The following ACOT7 variants were observed in gnomAD, a reference collection of about 807,000 sequenced individuals.
The protein encoded by ACOT7 is acyl-CoA thioesterase 7.
A neutral mutation model predicts 40.2 loss-of-function variants in ACOT7; 12 were observed. The observed-to-expected ratio is 0.30, with a 90% CI of 0.19 to 0.48. ACOT7 has a LOEUF of 0.48. ACOT7 is among the 20% of genes least tolerant of loss of function. The probability of loss-of-function intolerance (pLI) is 0.99; values close to 1 mark genes in which losing one functional copy is unlikely to be tolerated. For synonymous variants in ACOT7, 228 were observed against 219.5 expected (o/e 1.04, Z -0.34); for missense variants, 395 against 530.8 (o/e 0.74, Z 2.51).
chr1:6,393,543 A>C lies in ACOT7; in HGVS notation c.-144T>G. 1 of 702,162 alleles carries C rather than the reference A, an allele frequency of 1.4e-6. No homozygotes were observed. The highest frequency in any genetic ancestry group is 1.9e-6 in the Non-Finnish European group (1 of 516,898). 43.5% of individuals were successfully genotyped at this position (702,162 alleles called of 1,614,324 possible). On this transcript the variant is annotated 5_prime_UTR_variant, in exon 1 of 9. Coordinates refer to ENST00000361521, the MANE Select transcript of ACOT7 (RefSeq NM_007274.4). The stretch of plus-strand genomic sequence containing the variant: ...CCGCCTCCCAGGCCGCCAAGGCTGC[A>C]GAGAGCTCGCGCGGGCGTACGATTC...
At chr1:6,317,881 GCCA>G in intron 6 of ACOT7, among the ~76,000 whole-genome samples, 1 of 151,800 alleles carries the variant, frequency 6.6e-6, no homozygotes, top group Non-Finnish European at 1.5e-5. Context: ...ACAGGCGCCT[GCCA>G]CCACACCTGG....
rs1489447800 is a variant in ACOT7 at position 6,288,477 on chromosome 1, C to A, written c.829+6387G>T. The stretch of plus-strand genomic sequence containing the variant: ...ACAAGTGGCAGCCTGTCCTAGCAGA[C>A]CTGAAGTGCCAGCTGGAGGGGCTCA... On this transcript the variant is annotated intron_variant, in intron 7 of 8. Transcript: ENST00000361521. This position sits in a 1 kb window ranked among gnomAD's most constrained non-coding sequence, Gnocchi z 4.3. Among the ~76,000 whole-genome samples, 1 of 152,160 alleles carries A rather than the reference C, an allele frequency of 6.6e-6. No homozygotes were observed. Among genetic ancestry groups the A allele is most frequent in the African/African-American group, 2.4e-5 (1 of 41,448 alleles).
chr1:6,323,731 AAAAAAAATATATATAT>A (rs1430957818), intron 5 of ACOT7, among the ~76,000 whole-genome samples: 59 of 90,140 alleles, frequency 6.5e-4, no homozygotes, highest in African/African-American at 2.5e-3. Flanking sequence ...AAAAAAAAAA[AAAAAAAATATATATAT>A]ATATATATAT....
At chr1:6,270,812 C>A (rs2148365606) in intron 8 of ACOT7, among the ~76,000 whole-genome samples, 1 of 152,330 alleles carries the variant, frequency 6.6e-6, no homozygotes, top group African/African-American at 2.4e-5. Flanking sequence ...CCAAGTGCAG[C>A]CTGGGAACTG....
At chr1:6,375,261 CAAA>C (rs34778182) in intron 1 of ACOT7, among the ~76,000 whole-genome samples, 12 of 73,836 alleles carry the variant, frequency 1.6e-4, no homozygotes, top group Admixed American at 3.2e-4. Flanking sequence ...AGACTCCTCT[CAAA>C]AAAAAAAAAA....
intron 1 of ACOT7, among the ~76,000 whole-genome samples, chr1:6,361,904 C>G (rs1332082892): frequency 1.3e-5 from 2 of 152,326 alleles, no homozygotes; most frequent in African/African-American, 4.8e-5. Flanking sequence ...CAGGAGCCCT[C>G]GAAACGCTCT....
intron 1 of ACOT7, chr1:6,360,616 G>A: frequency 6.2e-7 from 1 of 1,614,218 alleles, no homozygotes; most frequent in Middle Eastern, 1.6e-4. Context: ...TCCTTTCTGA[G>A]GACGTTTAGT....
intron 6 of ACOT7, among the ~76,000 whole-genome samples, chr1:6,296,497 C>T (rs1328082080): frequency 2.6e-5 from 4 of 151,930 alleles, no homozygotes; most frequent in Admixed American, 1.3e-4. Context: ...GATCTCCGCT[C>T]ACCGCAACCT....
intron 7 of ACOT7, among the ~76,000 whole-genome samples, chr1:6,285,930 TAGGCA>T (rs1639490836): frequency 6.6e-6 from 1 of 152,136 alleles, no homozygotes; most frequent in Admixed American, 6.5e-5. Context: ...AACCTGGCAC[TAGGCA>T]AAGTTGGGAC....
intron 3 of ACOT7, among the ~76,000 whole-genome samples, chr1:6,336,783 G>C (rs868661502): frequency 5.8e-4 from 89 of 152,206 alleles, no homozygotes; most frequent in African/African-American, 2.1e-3. Context: ...CAATTTCCAG[G>C]GGACACATGG....
intron 2 of ACOT7, among the ~76,000 whole-genome samples, chr1:6,340,706 A>C (rs941194538): frequency 2.6e-5 from 4 of 152,176 alleles, no homozygotes; most frequent in Non-Finnish European, 4.4e-5. Context: ...TAGGAAAAAT[A>C]ATCTGCCTGT....
At chr1:6,376,589 T>C (rs1382965573) in intron 1 of ACOT7, among the ~76,000 whole-genome samples, 3 of 151,868 alleles carry the variant, frequency 2.0e-5, no homozygotes, top group African/African-American at 4.8e-5. Flanking sequence ...TAGCATGGCG[T>C]GGTGCCATGT....
Position 6,288,619 on chromosome 1 carries a change from G to T in ACOT7, c.829+6245C>A, listed in dbSNP as rs569889981. 2.6e-5 allele frequency among the ~76,000 whole-genome samples: 4 copies of T among 152,326 alleles called. No homozygotes were observed. The South Asian group carries it at 6.2e-4, about 24-fold the overall frequency. On this transcript the variant is annotated intron_variant, in intron 7 of 8. Transcript: ENST00000361521. The surrounding 1 kb of genome is among the most constrained non-coding windows in gnomAD (Gnocchi z 4.3). The stretch of plus-strand genomic sequence containing the variant: ...GCACTGGGTTGGGCTGGTGAGGGGT[G>T]AGGGTAACAGAGGTGGCCCTCTGTG...
intron 1 of ACOT7, among the ~76,000 whole-genome samples, chr1:6,391,685 C>A (rs1642535984): frequency 1.3e-5 from 2 of 152,132 alleles, no homozygotes; most frequent in South Asian, 4.1e-4. Context: ...AGTCAGAAGA[C>A]TTGGGCAGGG....
chr1:6,273,650 G>A (rs1476440207), intron 8 of ACOT7, among the ~76,000 whole-genome samples: 2 of 152,298 alleles, frequency 1.3e-5, no homozygotes, highest in East Asian at 3.9e-4. Flanking sequence ...AGTAACAGCT[G>A]AATTTCCTAA....
intron 1 of ACOT7, among the ~76,000 whole-genome samples, chr1:6,367,382 C>T (rs957181124): frequency 2.0e-5 from 3 of 152,222 alleles, no homozygotes; most frequent in Non-Finnish European, 2.9e-5. Context: ...GCTTATTCCA[C>T]CCACTCAGCC....
intron 2 of ACOT7, among the ~76,000 whole-genome samples, chr1:6,348,998 G>T (rs938262720): frequency 6.6e-6 from 1 of 152,180 alleles, no homozygotes; most frequent in African/African-American, 2.4e-5. Flanking sequence ...TGTGCTGACC[G>T]AGCCCCATAG....
chr1:6,376,198 G>A (rs1256450830), intron 1 of ACOT7, among the ~76,000 whole-genome samples: 1 of 152,116 alleles, frequency 6.6e-6, no homozygotes, highest in Non-Finnish European at 1.5e-5. Context: ...GGAGGTTGCA[G>A]TGAGCTGAGA....
intron 3 of ACOT7, among the ~76,000 whole-genome samples, chr1:6,335,045 G>A (rs1257140877): frequency 6.6e-6 from 1 of 152,044 alleles, no homozygotes; most frequent in Non-Finnish European, 1.5e-5. Context: ...AAATTAGCTG[G>A]GTTGGCTGGG....
Sources: gnomAD v4.1 joint callset for allele counts (sites outside exome capture counted in the v4.1 genomes callset) on GRCh38, gnomAD v4.1.1 for gene constraint, Gnocchi (gnomAD v3.1) non-coding constraint, MANE v1.5 for transcripts, NCBI Gene and HGNC (gene_info 2026-07-23, HGNC 2026-07-21) for gene names.